Variants in REL observed in about 807,000 individuals in gnomAD.
The protein encoded by REL is proto-oncogene c-Rel.
In REL, 15 loss-of-function variants were observed where a neutral mutation model predicts 45.9. The ratio of observed to expected loss-of-function variants is 0.33; its 90% CI spans 0.22 to 0.50. The LOEUF (loss-of-function observed/expected upper bound fraction) is 0.50. REL is among the 20% of genes least tolerant of loss of function. REL has a pLI of 0.98. For missense variants in REL, 601 were observed against 715.2 expected (o/e 0.84, Z 1.82); for synonymous variants, 239 against 242.1 (o/e 0.99, Z 0.12).
rs1674171080 is a variant in REL at position 60,922,462 on chromosome 2, A to G, written c.1691A>G (p.Gln564Arg). 1 of 1,613,848 alleles carries G rather than the reference A, an allele frequency of 6.2e-7. No individual in the cohort carries two copies. The part of the protein sequence containing the change: ...PNSHGFVQDS[Q>R]YSGIGSMQNE... ...AGTCATGGTTTTGTTCAAGATAGTC[A>G]GTATTCAGGTATTGGCAGTATGCAA... is the stretch of plus-strand genomic sequence containing the variant. The change falls in exon 10 of 10, where the codon CAG (glutamine) becomes CGG (arginine). Residue 564 changes from glutamine to arginine, a missense_variant. Physicochemically the swap from Gln to Arg is conservative, Grantham distance 43. Coordinates refer to ENST00000394479, the MANE Select transcript of REL (RefSeq NM_001291746.2).
At chr2:60,920,232 C>A in intron 8 of REL, 123 bp downstream of exon 8, 1 of 779,500 alleles carries the variant, frequency 1.3e-6, no homozygotes, top group Non-Finnish European at 2.1e-6. Context: ...GATAGCATCT[C>A]TCTCTGTCAC....
At chr2:60,909,927 A>G (rs1673765325) in intron 4 of REL, among the ~76,000 whole-genome samples, 1 of 152,060 alleles carries the variant, frequency 6.6e-6, no homozygotes, top group Non-Finnish European at 1.5e-5. Flanking sequence ...ATTATTCCAT[A>G]TGCTGTGTAT....
At chr2:60,899,481 CAAA>C (rs961425003) in intron 3 of REL, 1 of 149,954 alleles carries the variant, frequency 6.7e-6, no homozygotes, top group Non-Finnish European at 1.5e-5. Context: ...GAGATCATCT[CAAA>C]AAAAAATGTT....
At chr2:60,902,533 G>T (rs1184063164) in intron 4 of REL, among the ~76,000 whole-genome samples, 61 of 139,678 alleles carry the variant, frequency 4.4e-4, no homozygotes, top group Non-Finnish European at 4.7e-4. Context: ...TTACAAATCT[G>T]TTTTTTTTTT....
At chr2:60,882,025 A>G (rs534506041) in intron 1 of REL, among the ~76,000 whole-genome samples, 175 bp downstream of exon 1, 2 of 152,374 alleles carry the variant, frequency 1.3e-5, no homozygotes, top group East Asian at 3.9e-4. Context: ...GTTTGCGTGC[A>G]GAATCCAAGC....
rs2104002906 is a variant in REL, at chr2:60,929,500, G to A, written c.*6965G>A. ...GGAATACTATGCAGCCATAAAAAAT[G>A]ATGAATTCATGTCCTTTGTAGGGAC... On this transcript the variant is annotated 3_prime_UTR_variant, in exon 10 of 10. Transcript: ENST00000394479. 1 of 151,474 alleles carries A rather than the reference G, an allele frequency of 6.6e-6. No homozygotes were observed. Among genetic ancestry groups the A allele is most frequent in the South Asian group, 2.1e-4 (1 of 4,774 alleles). 9.4% of individuals were successfully genotyped at this position (151,474 alleles called of 1,614,324 possible). A position where few individuals can be genotyped will look rare whatever the true frequency, so the allele number is the denominator to read the frequency against.
chr2:60,906,367 C>T (rs1176457577), intron 4 of REL, among the ~76,000 whole-genome samples: 1 of 152,100 alleles, frequency 6.6e-6, no homozygotes, highest in Non-Finnish European at 1.5e-5. Flanking sequence ...GCTTACCCAG[C>T]CCACTAAATT....
intron 2 of REL, among the ~76,000 whole-genome samples, chr2:60,892,685 C>A (rs1201782844): frequency 6.6e-6 from 1 of 152,086 alleles, no homozygotes; most frequent in African/African-American, 2.4e-5. Flanking sequence ...CCATCTCGGC[C>A]TCCCAAAGCG....
chr2:60,924,130 C>T lies in REL; in HGVS notation c.*1595C>T. 1 of 231,412 alleles carries T rather than the reference C, an allele frequency of 4.3e-6. No homozygotes were observed. The highest frequency in any genetic ancestry group is 8.6e-6 in the Non-Finnish European group (1 of 116,852). 14.3% of individuals were successfully genotyped at this position (231,412 alleles called of 1,614,324 possible). The stretch of plus-strand genomic sequence containing the variant: ...AAAATGCATAGTTCACTCTTACATC[C>T]TTCAGGTGTCACTCCACTGTTACCT... On this transcript the variant is annotated 3_prime_UTR_variant, in exon 10 of 10. Coordinates refer to ENST00000394479, the MANE Select transcript of REL (RefSeq NM_001291746.2).
chr2:60,885,792 T>TA (rs1196949534), intron 1 of REL, among the ~76,000 whole-genome samples: 1 of 152,234 alleles, frequency 6.6e-6, no homozygotes, highest in African/African-American at 2.4e-5. Context: ...ACATGCAGTC[T>TA]AGTCAGCTAT....
chr2:60,894,164 A>G (rs1673289592), intron 2 of REL, among the ~76,000 whole-genome samples: 1 of 152,192 alleles, frequency 6.6e-6, no homozygotes, highest in Non-Finnish European at 1.5e-5. Context: ...GCCCAGTCAA[A>G]TGATATGACC....
Position 60,889,465 on chromosome 2 carries a change from A to T in REL, c.11-2218A>T, listed in dbSNP as rs531039095. Among the ~76,000 whole-genome samples the T allele has an allele frequency of 9.9e-4, 150 of 151,558 alleles. 1 individual carries two copies. The highest frequency in any genetic ancestry group is 6.2e-3 in the South Asian group (30 of 4,808). On this transcript the variant is annotated intron_variant, in intron 1 of 9. Coordinates refer to ENST00000394479, the MANE Select transcript of REL (RefSeq NM_001291746.2). Reference sequence around the variant, plus strand: ...GAAATAATAGACACCATTTTTTTTTATTTTTTATTTTTTTACACTTTAAGT... The same window carrying T: ...GAAATAATAGACACCATTTTTTTTTTTTTTTTATTTTTTTACACTTTAAGT...
chr2:60,923,740 A>T lies in REL; in HGVS notation c.*1205A>T, dbSNP rs1156782785. On this transcript the variant is annotated 3_prime_UTR_variant, in exon 10 of 10. Coordinates refer to ENST00000394479, the MANE Select transcript of REL (RefSeq NM_001291746.2). ...TTTTGACCTCTACTATTAACGCCCT[A>T]TTCCAAGCCACCATCATCTCTTCCC... 4.3e-6 allele frequency: 1 copy of T among 233,070 alleles called. No individual in the cohort carries two copies. Among genetic ancestry groups the T allele is most frequent in the African/African-American group, 2.2e-5 (1 of 45,330 alleles). The allele number at this position is 233,070 out of a possible 1,614,324, so 14.4% of individuals were successfully genotyped here.
chr2:60,889,221 C>A (rs1283819850), intron 1 of REL, among the ~76,000 whole-genome samples: 2 of 152,184 alleles, frequency 1.3e-5, no homozygotes, highest in Non-Finnish European at 2.9e-5. Context: ...CTCTTCATTT[C>A]CTCCGCTCTT....
intron 2 of REL, 25 bp downstream of exon 2, chr2:60,891,850 A>G (rs549088602): frequency 3.9e-5 from 62 of 1,580,324 alleles, no homozygotes; most frequent in East Asian, 1.8e-4. Flanking sequence ...TTCTGTGTCT[A>G]TCTCACTATT....
chr2:60,920,676 C>T, intron 9 of REL, 34 bp downstream of exon 9: 1 of 1,272,548 alleles, frequency 7.9e-7, no homozygotes. Flanking sequence ...TTCTTGTGAT[C>T]AGAAAGACCA....
Position 60,918,524 on chromosome 2 carries a change from A to G in REL, c.771A>G (p.Val257=). The G allele has an allele frequency of 6.2e-7, 1 of 1,614,170 alleles. No individual in the cohort carries two copies. The highest frequency in any genetic ancestry group is 1.1e-5 in the South Asian group (1 of 91,088). The change falls in exon 7 of 10, where the codon GTA becomes GTG. Residue 257 remains valine, a synonymous_variant. Coordinates refer to ENST00000394479, the MANE Select transcript of REL (RefSeq NM_001291746.2). Reference sequence around the variant, plus strand: ...ATTGCAAAGCTATCACAGAACCCGTAACAGTAAAAATGCAGTTGCGGAGAC... The same window carrying G: ...ATTGCAAAGCTATCACAGAACCCGTGACAGTAAAAATGCAGTTGCGGAGAC... ...PPYCKAITEP[V]TVKMQLRRPS...
In REL at chr2:60,918,314, G is replaced by A. The variant is rs1476216188; in HGVS notation, c.640+19G>A. 2 of 1,553,256 alleles carry A rather than the reference G, an allele frequency of 1.3e-6. No homozygotes were observed. Among genetic ancestry groups the A allele is most frequent in the Non-Finnish European group, 1.8e-6 (2 of 1,136,434 alleles). On this transcript the variant is annotated intron_variant, in intron 6 of 9. Coordinates refer to ENST00000394479, the MANE Select transcript of REL (RefSeq NM_001291746.2). ...CAGAAAGGTATTTATTTATTTCATT[G>A]AATTTAGAATAAATTTTAGATTAAT... is the stretch of plus-strand genomic sequence containing the variant.
Position 60,881,766 on chromosome 2 carries a change from C to T in REL, c.-75C>T, listed in dbSNP as rs1558780116. ...CCCGCCGGCAGAGGTCCCTCGGCCTCCTGACTGACTGACTGCGGCCGCCTC... is the reference window on the plus strand; with the variant it reads ...CCCGCCGGCAGAGGTCCCTCGGCCTTCTGACTGACTGACTGCGGCCGCCTC... On this transcript the variant is annotated 5_prime_UTR_variant, in exon 1 of 10. Coordinates refer to ENST00000394479, the MANE Select transcript of REL (RefSeq NM_001291746.2). 3 of 1,434,700 alleles carry T rather than the reference C, an allele frequency of 2.1e-6. No individual in the cohort carries two copies. Among genetic ancestry groups the T allele is most frequent in the Non-Finnish European group, 2.8e-6 (3 of 1,057,134 alleles). 88.9% of individuals were successfully genotyped at this position (1,434,700 alleles called of 1,614,324 possible).
Sources: allele counts gnomAD v4.1 joint callset (sites outside exome capture counted in the v4.1 genomes callset), GRCh38; gene constraint gnomAD v4.1.1; transcripts MANE v1.5; gene names NCBI Gene and HGNC (gene_info 2026-07-23, HGNC 2026-07-21).